EDA: variants seen among roughly 807,000 people sequenced by gnomAD.
The protein encoded by EDA is ectodysplasin-A.
Under a neutral mutation model 23.6 loss-of-function variants are expected in EDA, and 2 were observed. The observed-to-expected ratio is 0.08, with a 90% CI of 0.03 to 0.27. The LOEUF (loss-of-function observed/expected upper bound fraction) is 0.27, where lower values mean the gene tolerates loss of function less well. EDA is among the 10% of genes least tolerant of loss of function. EDA has a pLI of 1.00. For synonymous variants in EDA, 131 were observed against 132.0 expected (o/e 0.99, Z 0.05); for missense variants, 229 against 324.2 (o/e 0.71, Z 2.26).
intron 1 of EDA, among the ~76,000 whole-genome samples, chrX:69,700,020 C>T (rs1602309596): frequency 9.1e-6 from 1 of 110,420 alleles, no homozygotes; most frequent in African/African-American, 3.3e-5. Context: ...GGTTGTGAGC[C>T]GTCGGGTTTG....
intron 1 of EDA, among the ~76,000 whole-genome samples, chrX:69,944,426 G>A (rs760954515): frequency 3.0e-4 from 34 of 111,682 alleles, no homozygotes; most frequent in African/African-American, 1.0e-3. Context: ...CCTTCAAGGC[G>A]GCAGGTTCCC....
intron 1 of EDA, among the ~76,000 whole-genome samples, chrX:69,728,211 T>A (rs913640621): frequency 2.0e-5 from 2 of 98,055 alleles, no homozygotes; most frequent in Non-Finnish European, 4.1e-5. Flanking sequence ...ACCACTGCAC[T>A]CCAGCCTGGG....
intron 1 of EDA, among the ~76,000 whole-genome samples, chrX:69,881,289 C>T (rs985238365): frequency 9.1e-6 from 1 of 109,985 alleles, no homozygotes; most frequent in Admixed American, 9.7e-5. Flanking sequence ...TCCACCACCA[C>T]CCCCCAAAAA....
chrX:69,670,593 T>C (rs1302699369), intron 1 of EDA, among the ~76,000 whole-genome samples: 2 of 111,061 alleles, frequency 1.8e-5, no homozygotes, highest in African/African-American at 6.5e-5. Context: ...CTGTTTTCAC[T>C]CTTTTTCATT....
chrX:69,776,817 G>A (rs1474857436), intron 1 of EDA, among the ~76,000 whole-genome samples: 5 of 111,280 alleles, frequency 4.5e-5, no homozygotes, highest in Non-Finnish European at 7.6e-5. Flanking sequence ...TATATATTTA[G>A]TATCTAACAT....
intron 1 of EDA, among the ~76,000 whole-genome samples, chrX:69,892,064 G>C (rs1229278419): frequency 8.9e-6 from 1 of 111,811 alleles, no homozygotes; most frequent in Non-Finnish European, 1.9e-5. Context: ...AATGAGCTTA[G>C]TACGATACTG....
At chrX:69,754,655 G>A (rs1387266750) in intron 1 of EDA, among the ~76,000 whole-genome samples, 1 of 111,862 alleles carries the variant, frequency 8.9e-6, no homozygotes, top group Non-Finnish European at 1.9e-5. Flanking sequence ...CCTGAAGAGT[G>A]TTTTCCAAGT....
intron 1 of EDA, among the ~76,000 whole-genome samples, chrX:69,619,059 T>C (rs1336077750): frequency 1.8e-5 from 2 of 112,347 alleles, no homozygotes; most frequent in Non-Finnish European, 3.8e-5. Context: ...AATTCTACAT[T>C]GTGCTGACAG....
chrX:70,022,336 T>G (rs2020046352), intron 2 of EDA, among the ~76,000 whole-genome samples: 1 of 109,548 alleles, frequency 9.1e-6, no homozygotes, highest in African/African-American at 3.3e-5. Context: ...TTATTTTATT[T>G]TATTTATTTA....
chrX:69,927,548 G>A (rs143645914), intron 1 of EDA, among the ~76,000 whole-genome samples: 10,150 of 110,667 alleles, frequency 0.092, 1,061 homozygotes, highest in East Asian at 0.71. Flanking sequence ...TCCCTTTGTA[G>A]GTGACCTAGC....
At chrX:69,797,092 C>T (rs2015562056) in intron 1 of EDA, among the ~76,000 whole-genome samples, 1 of 110,109 alleles carries the variant, frequency 9.1e-6, no homozygotes, top group Non-Finnish European at 1.9e-5. Context: ...TATAGGACAC[C>T]ATAAAGTGAA....
At chrX:69,743,563 G>A (rs2013525596) in intron 1 of EDA, among the ~76,000 whole-genome samples, 1 of 111,752 alleles carries the variant, frequency 8.9e-6, no homozygotes, top group Non-Finnish European at 1.9e-5. Flanking sequence ...CTTCCATTAA[G>A]TGCTGTTAGT....
intron 1 of EDA, among the ~76,000 whole-genome samples, chrX:69,623,096 T>G (rs2147207230): frequency 8.9e-6 from 1 of 112,358 alleles, no homozygotes; most frequent in Non-Finnish European, 1.9e-5. Context: ...TGGACTTTAT[T>G]ATTACCTGGT....
At chrX:69,692,433 T>C (rs1423038538) in intron 1 of EDA, among the ~76,000 whole-genome samples, 1 of 111,263 alleles carries the variant, frequency 9.0e-6, no homozygotes, top group Non-Finnish European at 1.9e-5. Context: ...GCAGAAGACA[T>C]GTTTTGCCAT....
chrX:69,740,392 AT>A (rs917961620), intron 1 of EDA, among the ~76,000 whole-genome samples: 3 of 109,777 alleles, frequency 2.7e-5, no homozygotes, highest in Non-Finnish European at 3.8e-5. Context: ...TTTGAAAGAT[AT>A]TTTTTTCTGG....
At chrX:69,771,686 A>G (rs772487091) in intron 1 of EDA, among the ~76,000 whole-genome samples, 49 of 112,200 alleles carry the variant, frequency 4.4e-4, no homozygotes, top group Non-Finnish European at 7.7e-4. Flanking sequence ...ATTTAGCTCA[A>G]TAAAGCCGTT....
chrX:69,900,071 T>C (rs1027729791), intron 1 of EDA, among the ~76,000 whole-genome samples: 2 of 111,405 alleles, frequency 1.8e-5, no homozygotes, highest in Non-Finnish European at 3.8e-5. Context: ...AACGAGTTGA[T>C]ATAGAGATGG....
At chrX:69,924,994 T>C (rs1373506503) in intron 1 of EDA, among the ~76,000 whole-genome samples, 1 of 111,982 alleles carries the variant, frequency 8.9e-6, no homozygotes, top group Non-Finnish European at 1.9e-5. Flanking sequence ...TTTTTGCACA[T>C]TGATTTTGTA....
chrX:69,947,464 C>T (rs2018849814), intron 1 of EDA, among the ~76,000 whole-genome samples: 1 of 112,253 alleles, frequency 8.9e-6, no homozygotes, highest in Non-Finnish European at 1.9e-5. Flanking sequence ...CTGTTTTCCC[C>T]AGCAGCCCAC....
Sources: allele counts gnomAD v4.1 joint callset (sites outside exome capture counted in the v4.1 genomes callset), GRCh38; gene constraint gnomAD v4.1.1; transcripts MANE v1.5; gene names NCBI Gene and HGNC (gene_info 2026-07-23, HGNC 2026-07-21).